The following PRELID2 variants were observed in gnomAD, a reference collection of about 807,000 sequenced individuals.
The protein encoded by PRELID2 is PRELI domain containing 2.
In PRELID2, 25 loss-of-function variants were observed where a neutral mutation model predicts 28.4. The observed-to-expected ratio is 0.88, with a 90% CI of 0.64 to 1.23. PRELID2 has a LOEUF of 1.23. Ranked by LOEUF, PRELID2 falls within the 50% of genes most tolerant of loss-of-function variation. The pLI is 0.00. For missense variants in PRELID2, 201 were observed against 214.4 expected (o/e 0.94, Z 0.39); for synonymous variants, 76 against 71.6 (o/e 1.06, Z -0.31).
chr5:145,369,894 C>A, the PRELID2 span, among the ~76,000 whole-genome samples: 4 of 150,678 alleles, frequency 2.7e-5, no homozygotes, highest in Non-Finnish European at 4.4e-5. Context: ...TTTTTTTTCA[C>A]GTTTGTTCGC....
the PRELID2 span, among the ~76,000 whole-genome samples, chr5:145,339,355 A>G: frequency 6.6e-6 from 1 of 152,176 alleles, no homozygotes; most frequent in Non-Finnish European, 1.5e-5. Flanking sequence ...CAGACATGAG[A>G]AAAGGGTAAG....
intron 6 of PRELID2, 134 bp from the exon 7 acceptor site, chr5:145,760,659 C>T (rs149689547): frequency 1.2e-4 from 18 of 152,312 alleles, no homozygotes; most frequent in Non-Finnish European, 2.1e-4. Flanking sequence ...CTTGAAATTG[C>T]ATTTCTCCCT....
intron 1 of PRELID2, among the ~76,000 whole-genome samples, chr5:145,525,628 T>C (rs1752599918): frequency 6.6e-6 from 1 of 152,190 alleles, no homozygotes; most frequent in Non-Finnish European, 1.5e-5. Context: ...GCTTTCTCTC[T>C]GTCTTTTAAA....
the PRELID2 span, among the ~76,000 whole-genome samples, chr5:145,335,603 G>A: frequency 2.7e-4 from 41 of 152,132 alleles, no homozygotes; most frequent in African/African-American, 9.2e-4. Flanking sequence ...GACCATTTGA[G>A]TCATACAAGA....
At chr5:145,242,865 T>C in the PRELID2 span, among the ~76,000 whole-genome samples, 1 of 151,944 alleles carries the variant, frequency 6.6e-6, no homozygotes, top group Non-Finnish European at 1.5e-5. Flanking sequence ...AAGTGATTTA[T>C]AGCTTTTAGT....
chr5:145,414,735 T>A, the PRELID2 span, among the ~76,000 whole-genome samples: 1 of 152,210 alleles, frequency 6.6e-6, no homozygotes, highest in African/African-American at 2.4e-5. Context: ...ATTAATTCTC[T>A]CAAATGAGTG....
At chr5:145,544,931 T>C (rs568001217) in intron 1 of PRELID2, among the ~76,000 whole-genome samples, 2 of 152,236 alleles carry the variant, frequency 1.3e-5, no homozygotes, top group East Asian at 3.9e-4. Context: ...CAAACTTTAG[T>C]TGCATTCAAT....
intron 1 of PRELID2, among the ~76,000 whole-genome samples, chr5:145,558,076 G>A (rs1218022125): frequency 6.6e-6 from 1 of 152,204 alleles, no homozygotes; most frequent in African/African-American, 2.4e-5. Context: ...GTTTTTAACA[G>A]TATAGAATCA....
chr5:145,622,774 ATAAG>A (rs1211039333), intron 1 of PRELID2, among the ~76,000 whole-genome samples: 1 of 152,094 alleles, frequency 6.6e-6, no homozygotes, highest in Non-Finnish European at 1.5e-5. Context: ...GAAAAATGGA[ATAAG>A]TAATTTAAGA....
chr5:145,775,355 C>A (rs1382692934), intron 5 of PRELID2, among the ~76,000 whole-genome samples: 1 of 152,092 alleles, frequency 6.6e-6, no homozygotes, highest in Admixed American at 6.5e-5. Context: ...CTCAAATTAC[C>A]AAAAAATGAC....
chr5:145,470,229 A>G (rs1349798143), downstream of PRELID2, among the ~76,000 whole-genome samples: 1 of 152,116 alleles, frequency 6.6e-6, no homozygotes, highest in Non-Finnish European at 1.5e-5. Flanking sequence ...GTAGCAAAAA[A>G]GAAGCCATAG....
At chr5:145,676,929 C>T (rs183984455) in intron 1 of PRELID2, among the ~76,000 whole-genome samples, 12 of 151,962 alleles carry the variant, frequency 7.9e-5, no homozygotes, top group African/African-American at 2.7e-4. Context: ...AACCTTAGAT[C>T]GAAGGAGGCT....
At chr5:145,455,743 T>A in the PRELID2 span, among the ~76,000 whole-genome samples, 1 of 152,122 alleles carries the variant, frequency 6.6e-6, no homozygotes, top group Non-Finnish European at 1.5e-5. Context: ...TGGTTTTCTG[T>A]TTGTCTGTTA....
At chr5:145,781,304 T>A (rs1751571003) in intron 5 of PRELID2, among the ~76,000 whole-genome samples, 1 of 152,230 alleles carries the variant, frequency 6.6e-6, no homozygotes, top group Non-Finnish European at 1.5e-5. Flanking sequence ...AACTAGTAGA[T>A]GCATCCTTAA....
At chr5:145,600,078 T>C (rs1186389919) in intron 1 of PRELID2, among the ~76,000 whole-genome samples, 1 of 146,904 alleles carries the variant, frequency 6.8e-6, no homozygotes, top group Non-Finnish European at 1.5e-5. Flanking sequence ...TTAAAAGTTG[T>C]TAAAAACACA....
At chr5:145,488,331 G>A (rs978532264) in intron 1 of PRELID2, among the ~76,000 whole-genome samples, 1 of 152,084 alleles carries the variant, frequency 6.6e-6, no homozygotes, top group African/African-American at 2.4e-5. Flanking sequence ...AAAGCCTGAT[G>A]GAGAGAAAGA....
intron 1 of PRELID2, among the ~76,000 whole-genome samples, chr5:145,542,787 G>T (rs3863193): frequency 0.2 from 15,248 of 74,782 alleles, 2,217 homozygotes; most frequent in African/African-American, 0.52. Context: ...CTTTCTTTCT[G>T]TCTTTTTCTC....
intron 1 of PRELID2, among the ~76,000 whole-genome samples, chr5:145,661,078 A>C (rs1754484408): frequency 6.6e-6 from 1 of 152,212 alleles, no homozygotes; most frequent in African/African-American, 2.4e-5. Context: ...GTAAAATAGC[A>C]GGTGCTAGCC....
chr5:145,580,234 A>T (rs115586580), intron 1 of PRELID2, among the ~76,000 whole-genome samples: 64 of 152,252 alleles, frequency 4.2e-4, no homozygotes, highest in Non-Finnish European at 8.4e-4. Context: ...AACCAAAAGC[A>T]ATCAGGGAAC....
Sources: allele counts gnomAD v4.1 joint callset (sites outside exome capture counted in the v4.1 genomes callset), GRCh38; gene constraint gnomAD v4.1.1; transcripts MANE v1.5; gene names NCBI Gene and HGNC (gene_info 2026-07-23, HGNC 2026-07-21).